Variants in FBXL17 observed in about 807,000 individuals in gnomAD.
FBXL17 encodes the protein F-box and leucine rich repeat protein 17.
A neutral mutation model predicts 66.2 loss-of-function variants in FBXL17; 22 were observed. The ratio of observed to expected loss-of-function variants is 0.33; its 90% CI spans 0.24 to 0.47. The LOEUF (loss-of-function observed/expected upper bound fraction) is 0.47. Ranked by LOEUF, FBXL17 falls within the 20% of genes least tolerant of loss-of-function variation. FBXL17 has a pLI of 1.00. For missense variants in FBXL17, 878 were observed against 948.2 expected (o/e 0.93, Z 0.97); for synonymous variants, 474 against 400.5 (o/e 1.18, Z -2.19).
At chr5:108,066,994 T>C (rs868725532) in intron 6 of FBXL17, among the ~76,000 whole-genome samples, 1 of 152,036 alleles carries the variant, frequency 6.6e-6, no homozygotes, top group African/African-American at 2.4e-5. Flanking sequence ...TTTTTGAAAA[T>C]GAACTATTAA....
intron 7 of FBXL17, among the ~76,000 whole-genome samples, chr5:107,948,300 AT>A (rs1751380676): frequency 6.6e-6 from 1 of 152,070 alleles, no homozygotes; most frequent in Non-Finnish European, 1.5e-5. Context: ...TTCTTATCTA[AT>A]TTGTATTTTT....
At chr5:108,151,988 T>C (rs181692534) in intron 6 of FBXL17, among the ~76,000 whole-genome samples, 20 of 152,302 alleles carry the variant, frequency 1.3e-4, no homozygotes, top group Admixed American at 1.2e-3. Flanking sequence ...AACCTTCCCA[T>C]TGTGGTCAGT....
At chr5:107,890,504 A>AT (rs1749163594) in intron 7 of FBXL17, among the ~76,000 whole-genome samples, 1 of 151,992 alleles carries the variant, frequency 6.6e-6, no homozygotes, top group East Asian at 1.9e-4. Context: ...TCTACAAAAA[A>AT]TAAAAAAAAA....
At chr5:108,027,489 AG>A (rs1359653909) in intron 6 of FBXL17, among the ~76,000 whole-genome samples, 2 of 151,740 alleles carry the variant, frequency 1.3e-5, no homozygotes, top group African/African-American at 2.4e-5. Context: ...AGCAGAAAAA[AG>A]ATGCTAAGCT....
intron 4 of FBXL17, chr5:108,299,528 A>G (rs1426371167): frequency 1.0e-5 from 10 of 954,688 alleles, no homozygotes; most frequent in African/African-American, 1.8e-5. Context: ...GCTAATTTCT[A>G]TATAATCCTT....
chr5:108,126,615 A>ATCTCTCTG (rs1386246390), intron 6 of FBXL17, among the ~76,000 whole-genome samples: 12 of 100,562 alleles, frequency 1.2e-4, no homozygotes, highest in East Asian at 3.9e-4. Flanking sequence ...ATATAAGATT[A>ATCTCTCTG]TCTCTCTGTC....
At chr5:108,366,143 A>G (rs1300081229) in intron 2 of FBXL17, among the ~76,000 whole-genome samples, 1 of 152,072 alleles carries the variant, frequency 6.6e-6, no homozygotes, top group African/African-American at 2.4e-5. Flanking sequence ...TGGAAAATAC[A>G]CCATTTTGCA....
chr5:108,282,387 A>G (rs1166550342), intron 4 of FBXL17, among the ~76,000 whole-genome samples: 1 of 151,930 alleles, frequency 6.6e-6, no homozygotes, highest in Admixed American at 6.6e-5. Flanking sequence ...AATGTGATGT[A>G]TCATATAAAC....
chr5:107,887,570 T>G (rs1053820854), intron 7 of FBXL17, among the ~76,000 whole-genome samples: 1 of 152,184 alleles, frequency 6.6e-6, no homozygotes, highest in Non-Finnish European at 1.5e-5. Context: ...GCAAAGAAAT[T>G]TCTTGGCACG....
intron 7 of FBXL17, among the ~76,000 whole-genome samples, chr5:107,896,985 A>G (rs946646228): frequency 5.9e-5 from 9 of 152,162 alleles, no homozygotes; most frequent in Admixed American, 4.6e-4. Context: ...TGAAGTCATT[A>G]CAGTAAATGA....
At chr5:108,205,083 A>AT (rs34016857) in intron 5 of FBXL17, among the ~76,000 whole-genome samples, 52,042 of 149,512 alleles carry the variant, frequency 0.35, 9,161 homozygotes, top group Middle Eastern at 0.42. Context: ...CTAATTTCTA[A>AT]TTTTTTTTTT....
intron 4 of FBXL17, among the ~76,000 whole-genome samples, chr5:108,225,614 GA>G (rs1755068301): frequency 1.3e-5 from 2 of 152,100 alleles, no homozygotes; most frequent in South Asian, 4.1e-4. Flanking sequence ...CACTTTAGAA[GA>G]AACATGGCCC....
At chr5:108,149,142 T>C (rs548687638) in intron 6 of FBXL17, among the ~76,000 whole-genome samples, 1 of 152,218 alleles carries the variant, frequency 6.6e-6, no homozygotes, top group African/African-American at 2.4e-5. Flanking sequence ...CAGTGTCTCT[T>C]GTAGGATGAC....
chr5:108,157,136 C>T lies in FBXL17; in HGVS notation c.1745+28981G>A, dbSNP rs141293123. On this transcript the variant is annotated intron_variant, in intron 6 of 8. Coordinates refer to ENST00000542267, the MANE Select transcript of FBXL17 (RefSeq NM_001163315.3). ...CTGATAATATGCATCATCTAGTATT[C>T]GATTTTCCAGTTCATGCACTCCTAT... 3.1e-3 allele frequency among the ~76,000 whole-genome samples: 459 copies of T among 146,480 alleles called. 3 individuals are homozygous for T. The highest frequency in any genetic ancestry group is 0.011 in the African/African-American group (445 of 39,558).
chr5:108,085,882 G>C (rs1018450586), intron 6 of FBXL17, among the ~76,000 whole-genome samples: 2 of 152,122 alleles, frequency 1.3e-5, no homozygotes, highest in African/African-American at 4.8e-5. Context: ...CGAGATTATG[G>C]CACTGCACTC....
chr5:108,377,751 T>A (rs1749547000), intron 1 of FBXL17, among the ~76,000 whole-genome samples: 1 of 152,270 alleles, frequency 6.6e-6, no homozygotes, highest in South Asian at 2.1e-4. Flanking sequence ...TTCTTGCGGA[T>A]ATTTTTATGC....
chr5:108,231,341 C>A (rs1027651144), intron 4 of FBXL17, among the ~76,000 whole-genome samples: 2 of 152,148 alleles, frequency 1.3e-5, no homozygotes, highest in Non-Finnish European at 1.5e-5. Context: ...ACAGCTCTCA[C>A]CCACAGGCAA....
chr5:107,868,505 G>A (rs1748348803), intron 8 of FBXL17, among the ~76,000 whole-genome samples: 1 of 152,208 alleles, frequency 6.6e-6, no homozygotes, highest in African/African-American at 2.4e-5. Context: ...CGGGCCTTTG[G>A]ATAGGCCATC....
chr5:108,242,417 T>A (rs1755902459), intron 4 of FBXL17, among the ~76,000 whole-genome samples: 1 of 151,770 alleles, frequency 6.6e-6, no homozygotes, highest in African/African-American at 2.4e-5. Context: ...GGATGAGTTT[T>A]TGATATGTTG....
Sources: gnomAD v4.1 joint callset for allele counts (sites outside exome capture counted in the v4.1 genomes callset) on GRCh38, gnomAD v4.1.1 for gene constraint, MANE v1.5 for transcripts, NCBI Gene and HGNC (gene_info 2026-07-23, HGNC 2026-07-21) for gene names.